The following WSCD2 variants were observed in gnomAD, a reference collection of about 807,000 sequenced individuals.
WSCD2 encodes sialate:O-sulfotransferase 2.
In WSCD2, 28 loss-of-function variants were observed where a neutral mutation model predicts 55.7. That is an observed-to-expected ratio of 0.50 (90% CI 0.37 to 0.69). The LOEUF (loss-of-function observed/expected upper bound fraction) is 0.69, where lower values mean the gene tolerates loss of function less well. Ranked by LOEUF, WSCD2 falls within the 30% of genes least tolerant of loss-of-function variation. WSCD2 has a pLI of 0.00. For missense variants in WSCD2, 616 were observed against 762.1 expected (o/e 0.81, Z 2.26); for synonymous variants, 301 against 301.9 (o/e 1.00, Z 0.03).
intron 5 of WSCD2, 53 bp downstream of exon 5, chr12:108,224,913 A>G: frequency 3.2e-6 from 5 of 1,585,838 alleles, no homozygotes; most frequent in Non-Finnish European, 4.3e-6. Flanking sequence ...CATGCAGCAG[A>G]GCTGCAGGAA....
chr12:108,139,029 C>T (rs547657324), intron 1 of WSCD2, among the ~76,000 whole-genome samples: 1 of 152,260 alleles, frequency 6.6e-6, no homozygotes, highest in South Asian at 2.1e-4. Context: ...AGTAGACGCT[C>T]AATGTTTGTT....
At chr12:108,232,631 TG>T in intron 6 of WSCD2, 99 bp from the exon 7 acceptor site, 1 of 1,222,944 alleles carries the variant, frequency 8.2e-7, no homozygotes, top group Non-Finnish European at 1.1e-6. Context: ...CTTGATCACC[TG>T]GCTGAGAAGT....
chr12:108,169,406 G>C (rs1364199529), intron 1 of WSCD2, among the ~76,000 whole-genome samples: 3 of 152,148 alleles, frequency 2.0e-5, no homozygotes, highest in South Asian at 2.1e-4. Flanking sequence ...GGGGACCACT[G>C]TTCTAGGGTA....
intron 1 of WSCD2, among the ~76,000 whole-genome samples, chr12:108,147,325 G>A (rs990244184): frequency 2.2e-4 from 33 of 152,310 alleles, no homozygotes; most frequent in African/African-American, 7.5e-4. Context: ...GAAAGGAGAC[G>A]AAGACTGGGG....
chr12:108,176,093 C>T (rs1421282875), intron 1 of WSCD2, among the ~76,000 whole-genome samples: 1 of 152,214 alleles, frequency 6.6e-6, no homozygotes, highest in Non-Finnish European at 1.5e-5. Context: ...CCCACCTCAG[C>T]CTCCCAAAGT....
chr12:108,181,872 T>C (rs531784824), intron 1 of WSCD2, among the ~76,000 whole-genome samples: 9 of 152,334 alleles, frequency 5.9e-5, no homozygotes, highest in Middle Eastern at 3.4e-3. Flanking sequence ...CCTGGCCCCA[T>C]GGTAAGCATT....
intron 1 of WSCD2, among the ~76,000 whole-genome samples, chr12:108,155,008 C>T (rs530825843): frequency 4.7e-4 from 71 of 152,174 alleles, no homozygotes; most frequent in African/African-American, 1.6e-3. Context: ...CCTGCAGCTA[C>T]GGGGTAATGT....
intron 4 of WSCD2, among the ~76,000 whole-genome samples, chr12:108,211,434 C>T (rs1886123459): frequency 6.6e-6 from 1 of 152,082 alleles, no homozygotes; most frequent in African/African-American, 2.4e-5. Flanking sequence ...CCAGGTGATG[C>T]CAGGATGCTG....
At chr12:108,154,663 G>C (rs1484893401) in intron 1 of WSCD2, among the ~76,000 whole-genome samples, 2 of 152,122 alleles carry the variant, frequency 1.3e-5, no homozygotes, top group Non-Finnish European at 2.9e-5. Flanking sequence ...CAGAGGAAAG[G>C]CATCTTCCCA....
intron 3 of WSCD2, among the ~76,000 whole-genome samples, chr12:108,209,737 C>G (rs954025489): frequency 9.2e-5 from 14 of 152,054 alleles, no homozygotes; most frequent in Non-Finnish European, 1.9e-4. Flanking sequence ...TCTCCTTATC[C>G]CAGACCCAGA....
chr12:108,224,179 T>G (rs1399642834), intron 4 of WSCD2, among the ~76,000 whole-genome samples: 1 of 152,196 alleles, frequency 6.6e-6, no homozygotes, highest in African/African-American at 2.4e-5. Context: ...CTCTGACATG[T>G]CAGTCCCTTG....
rs113409001 is a variant in WSCD2, at chr12:108,173,810, CTGTGTGTGTGTGTGTGTGTGTGTG to C, written c.-551-21450_-551-21427del. Among the ~76,000 whole-genome samples, 53 of 131,234 alleles carry C rather than the reference CTGTGTGTGTGTGTGTGTGTGTGTG, an allele frequency of 4.0e-4. 1 individual carries two copies. The South Asian group carries it at 6.7e-3, about 17-fold the overall frequency. 86.1% of individuals were successfully genotyped at this position (131,234 alleles called of 152,430 possible). Reference sequence around the variant, plus strand: ...TGAGGCAGAGCTGATTCCTGGCTCTCTGTGTGTGTGTGTGTGTGTGTGTGTGTGTGTGTGTGTGTGTGTGTCAGG... The same window carrying C: ...TGAGGCAGAGCTGATTCCTGGCTCTCTGTGTGTGTGTGTGTGTGTGTCAGG... On this transcript the variant is annotated intron_variant, in intron 1 of 8. Coordinates refer to ENST00000547525, the MANE Select transcript of WSCD2 (RefSeq NM_014653.4).
chr12:108,238,897 G>A (rs534219011), intron 7 of WSCD2, among the ~76,000 whole-genome samples: 10 of 152,238 alleles, frequency 6.6e-5, no homozygotes, highest in South Asian at 2.1e-4. Context: ...CTGTAACCTG[G>A]GCGAGTTATT....
chr12:108,211,820 A>ATTTT (rs59190207), intron 4 of WSCD2, among the ~76,000 whole-genome samples: 31 of 134,602 alleles, frequency 2.3e-4, no homozygotes, highest in Admixed American at 3.8e-4. Context: ...TGCCTGGCTA[A>ATTTT]TTTTTTTTTT....
intron 4 of WSCD2, among the ~76,000 whole-genome samples, chr12:108,217,644 T>C (rs1371356245): frequency 6.6e-6 from 1 of 152,110 alleles, no homozygotes; most frequent in Non-Finnish European, 1.5e-5. Flanking sequence ...TTCACACCGT[T>C]TCCCCACAAA....
chr12:108,222,226 G>A (rs1042345549), intron 4 of WSCD2, among the ~76,000 whole-genome samples: 6 of 152,118 alleles, frequency 3.9e-5, no homozygotes, highest in African/African-American at 1.4e-4. Context: ...CCCAGACACC[G>A]CTACAGAGAG....
rs1005523162 is a variant in WSCD2, at chr12:108,248,996, A to C, written c.*653A>C. 4.7e-6 allele frequency: 4 copies of C among 845,468 alleles called. No homozygotes were observed. The African/African-American group carries it at 7.4e-5, about 16-fold the overall frequency. 52.4% of individuals were successfully genotyped at this position (845,468 alleles called of 1,614,324 possible). A position where few individuals can be genotyped will look rare whatever the true frequency, so the allele number is the denominator to read the frequency against. ...TGGTGTTATGAGCCCCCCAGGCCAC[A>C]CTGCTTCTCAGAAATGAGCTGCTTG... On this transcript the variant is annotated 3_prime_UTR_variant, in exon 9 of 9. Coordinates refer to ENST00000547525, the MANE Select transcript of WSCD2 (RefSeq NM_014653.4). This position sits in a 1 kb window ranked among gnomAD's most constrained non-coding sequence, Gnocchi z 4.3.
intron 4 of WSCD2, among the ~76,000 whole-genome samples, chr12:108,214,622 T>C (rs1292158879): frequency 6.6e-6 from 1 of 152,196 alleles, no homozygotes; most frequent in African/African-American, 2.4e-5. Flanking sequence ...CCTGAAAGAT[T>C]CTTGCAAGAT....
At chr12:108,166,658 C>T (rs929295752) in intron 1 of WSCD2, among the ~76,000 whole-genome samples, 2 of 152,074 alleles carry the variant, frequency 1.3e-5, no homozygotes, top group African/African-American at 4.8e-5. Context: ...CCCTGTCAGA[C>T]CTACCTGTGT....
Sources: gnomAD v4.1 joint callset for allele counts (sites outside exome capture counted in the v4.1 genomes callset) on GRCh38, gnomAD v4.1.1 for gene constraint, Gnocchi (gnomAD v3.1) non-coding constraint, MANE v1.5 for transcripts, NCBI Gene and HGNC (gene_info 2026-07-23, HGNC 2026-07-21) for gene names.